CHCHD3: variants seen among roughly 807,000 people sequenced by gnomAD.
CHCHD3 encodes the protein coiled-coil-helix-coiled-coil-helix domain containing 3.
A neutral mutation model predicts 38.2 loss-of-function variants in CHCHD3; 20 were observed. The observed-to-expected ratio is 0.52, with a 90% CI of 0.37 to 0.76. The LOEUF is 0.76. Among genes scored for constraint, CHCHD3 ranks in the 30% least tolerant of loss-of-function variants. CHCHD3 has a pLI of 0.00. For synonymous variants in CHCHD3, 82 were observed against 100.0 expected, an observed-to-expected ratio of 0.82 and a Z score of 1.07; for missense variants, 245 against 279.2, an observed-to-expected ratio of 0.88 and a Z score of 0.87.
chr7:133,052,701 G>A (rs1180274814), intron 2 of CHCHD3, among the ~76,000 whole-genome samples: 2 of 152,060 alleles, frequency 1.3e-5, no homozygotes, highest in Non-Finnish European at 2.9e-5. Context: ...AATCAAAACT[G>A]CATAGAGACA....
chr7:132,972,506 AT>A, intron 4 of CHCHD3: 4 of 843,968 alleles, frequency 4.7e-6, no homozygotes, highest in Non-Finnish European at 5.7e-6. Flanking sequence ...ATCCCTTTGT[AT>A]TTATTTTCTA....
chr7:132,821,620 C>T (rs936589569), intron 6 of CHCHD3, among the ~76,000 whole-genome samples: 6 of 152,074 alleles, frequency 3.9e-5, no homozygotes, highest in African/African-American at 9.6e-5. Context: ...CTCTTTCTTA[C>T]GTCTACTTCC....
At chr7:133,076,199 G>A (rs903004927) in intron 1 of CHCHD3, among the ~76,000 whole-genome samples, 1 of 151,720 alleles carries the variant, frequency 6.6e-6, no homozygotes, top group African/African-American at 2.4e-5. Context: ...TCTGGAATCT[G>A]CATCAAGGCA....
chr7:132,792,843 C>T (rs1339683857), intron 7 of CHCHD3, among the ~76,000 whole-genome samples: 3 of 152,136 alleles, frequency 2.0e-5, no homozygotes, highest in Non-Finnish European at 4.4e-5. Context: ...CAAAATGTGC[C>T]AGAAGGGTCC....
chr7:133,008,969 C>T (rs55678150), intron 3 of CHCHD3, among the ~76,000 whole-genome samples: 9,272 of 123,334 alleles, frequency 0.075, 697 homozygotes, highest in East Asian at 0.22. Flanking sequence ...ACAAAAAAGA[C>T]CAAAAAAAAA....
intron 3 of CHCHD3, among the ~76,000 whole-genome samples, chr7:133,007,239 T>G (rs372155715): frequency 2.6e-5 from 4 of 152,158 alleles, no homozygotes; most frequent in Admixed American, 1.3e-4. Flanking sequence ...TAATAAAGAA[T>G]TGACAATGGC....
chr7:132,964,752 C>T (rs968426611), intron 4 of CHCHD3, among the ~76,000 whole-genome samples: 11 of 152,088 alleles, frequency 7.2e-5, no homozygotes, highest in Admixed American at 5.9e-4. Flanking sequence ...AATGACTTGA[C>T]GAAAGTGTAC....
At chr7:133,018,130 AT>A (rs761214141) in intron 3 of CHCHD3, among the ~76,000 whole-genome samples, 70 of 152,376 alleles carry the variant, frequency 4.6e-4, no homozygotes, top group African/African-American at 1.3e-3. Flanking sequence ...TAATAAAAAA[AT>A]AATCTAAAAT....
chr7:132,900,570 C>T (rs1283482655), intron 4 of CHCHD3, among the ~76,000 whole-genome samples: 1 of 152,114 alleles, frequency 6.6e-6, no homozygotes, highest in Non-Finnish European at 1.5e-5. Flanking sequence ...AAGAAAACTA[C>T]TGACCCAGAA....
intron 2 of CHCHD3, among the ~76,000 whole-genome samples, chr7:133,044,608 C>T (rs915368643): frequency 6.6e-6 from 1 of 152,208 alleles, no homozygotes; most frequent in Non-Finnish European, 1.5e-5. Context: ...ATAGTATTCT[C>T]CAGCCCTATT....
Position 132,795,116 on chromosome 7 carries a change from G to C in CHCHD3, c.660+1326C>G, listed in dbSNP as rs186698554. Reference sequence around the variant, plus strand: ...GTTACAAATCACATGGTACAAACAGGCACGTATGTTAGAGACCAGCATTGA... The same window carrying C: ...GTTACAAATCACATGGTACAAACAGCCACGTATGTTAGAGACCAGCATTGA... On this transcript the variant is annotated intron_variant, in intron 7 of 7. Transcript: ENST00000262570. Among the ~76,000 whole-genome samples the C allele has an allele frequency of 4.7e-3, 720 of 152,280 alleles. 4 individuals are homozygous for C. Among genetic ancestry groups the C allele is most frequent in the Non-Finnish European group, 5.6e-3 (383 of 68,030 alleles).
chr7:133,040,204 G>A (rs549074539), intron 2 of CHCHD3, among the ~76,000 whole-genome samples: 7 of 152,308 alleles, frequency 4.6e-5, no homozygotes, highest in African/African-American at 1.7e-4. Context: ...AGAGCTGGAA[G>A]AGACCTCAGA....
intron 5 of CHCHD3, among the ~76,000 whole-genome samples, chr7:132,852,833 C>T (rs1400487671): frequency 6.6e-6 from 1 of 152,130 alleles, no homozygotes; most frequent in Non-Finnish European, 1.5e-5. Flanking sequence ...TGCCTAGAAC[C>T]TGACTTTTTA....
intron 4 of CHCHD3, among the ~76,000 whole-genome samples, chr7:132,909,974 T>C (rs148294295): frequency 2.0e-5 from 3 of 152,310 alleles, no homozygotes; most frequent in African/African-American, 7.2e-5. Flanking sequence ...CATGAAAAAC[T>C]GGTACCAAGC....
At chr7:133,036,233 T>C (rs762985349) in intron 2 of CHCHD3, among the ~76,000 whole-genome samples, 7 of 152,216 alleles carry the variant, frequency 4.6e-5, no homozygotes, top group Admixed American at 4.6e-4. Context: ...ATGAGTAAGA[T>C]TTTACTGCAT....
intron 6 of CHCHD3, among the ~76,000 whole-genome samples, chr7:132,836,558 C>A (rs771373770): frequency 6.6e-6 from 1 of 152,142 alleles, no homozygotes; most frequent in African/African-American, 2.4e-5. Context: ...TAGCTCACTG[C>A]AGTCCTGGGT....
chr7:132,999,462 T>C (rs1812510852), intron 3 of CHCHD3, among the ~76,000 whole-genome samples: 1 of 152,208 alleles, frequency 6.6e-6, no homozygotes, highest in Non-Finnish European at 1.5e-5. Context: ...GCTTTAGTTA[T>C]ACTTTCTTTA....
chr7:132,814,559 A>G (rs1159783865), intron 6 of CHCHD3, among the ~76,000 whole-genome samples: 1 of 152,204 alleles, frequency 6.6e-6, no homozygotes, highest in Admixed American at 6.5e-5. Flanking sequence ...CTATAAATGC[A>G]CCATGGCTGA....
chr7:132,815,798 T>G (rs10242512), intron 6 of CHCHD3, among the ~76,000 whole-genome samples: 60,326 of 151,970 alleles, frequency 0.4, 12,251 homozygotes, highest in Middle Eastern at 0.52. Flanking sequence ...CAGTCAAGGG[T>G]TGAACAAATT....
Sources: gnomAD v4.1 joint callset for allele counts (sites outside exome capture counted in the v4.1 genomes callset) on GRCh38, gnomAD v4.1.1 for gene constraint, MANE v1.5 for transcripts, NCBI Gene and HGNC (gene_info 2026-07-23, HGNC 2026-07-21) for gene names.